Variants in DMD observed in about 807,000 individuals in gnomAD.
DMD encodes mutant dystrophin.
DMD carries 63 observed loss-of-function variants against 330.1 expected under a neutral mutation model. That is an observed-to-expected ratio of 0.19 (90% CI 0.16 to 0.24). The LOEUF is 0.24. DMD is among the 10% of genes least tolerant of loss of function. The probability of loss-of-function intolerance (pLI) is 1.00; values close to 1 mark genes in which losing one functional copy is unlikely to be tolerated. For missense variants in DMD, 3,344 were observed against 2,684.1 expected (o/e 1.25, Z -5.43); for synonymous variants, 1,223 against 959.8 (o/e 1.27, Z -5.07).
chrX:32,279,161 A>G (rs2097402825), intron 43 of DMD, among the ~76,000 whole-genome samples: 1 of 111,735 alleles, frequency 8.9e-6, no homozygotes, highest in African/African-American at 3.3e-5. Flanking sequence ...ACAGGCAATT[A>G]CAAATGCTGG....
chrX:31,212,164 A>G (rs866491936), intron 64 of DMD, among the ~76,000 whole-genome samples: 3,488 of 90,952 alleles, frequency 0.038, 80 homozygotes, highest in African/African-American at 0.079. Context: ...ATATATATAT[A>G]TATGTGTGTG....
rs746255356 is a variant in DMD at position 31,959,878 on chromosome X, C to T, written c.6614+8461G>A. Among the ~76,000 whole-genome samples the T allele has an allele frequency of 1.0e-4, 11 of 106,576 alleles. No individual in the cohort carries two copies. In the East Asian group the frequency reaches 3.3e-3, roughly 32 times the overall value. The allele number at this position is 106,576 out of a possible 115,157, so 92.5% of individuals were successfully genotyped here. A position where few individuals can be genotyped will look rare whatever the true frequency, so the allele number is the denominator to read the frequency against. On this transcript the variant is annotated intron_variant, in intron 45 of 78. Coordinates refer to ENST00000357033, the MANE Select transcript of DMD (RefSeq NM_004006.3). Reference sequence around the variant, plus strand: ...CTCCCGGGTTCGAGCAACTCTCCCACCTCAGACTCCCATGTAGCTGGGACT... The same window carrying T: ...CTCCCGGGTTCGAGCAACTCTCCCATCTCAGACTCCCATGTAGCTGGGACT...
At chrX:33,074,964 A>G (rs1037083678) in intron 1 of DMD, among the ~76,000 whole-genome samples, 1 of 111,122 alleles carries the variant, frequency 9.0e-6, no homozygotes, top group Non-Finnish European at 1.9e-5. Context: ...CCAAAACTCA[A>G]CCGCGTTTGT....
At chrX:32,593,419 G>A in intron 13 of DMD, among the ~76,000 whole-genome samples, 1 of 111,587 alleles carries the variant, frequency 9.0e-6, no homozygotes, top group Non-Finnish European at 1.9e-5. Flanking sequence ...CTTTATTAAT[G>A]TCTATTTTTA....
intron 55 of DMD, among the ~76,000 whole-genome samples, chrX:31,539,151 T>C (rs1377394481): frequency 8.9e-6 from 1 of 112,012 alleles, no homozygotes; most frequent in Non-Finnish European, 1.9e-5. Context: ...ACCTGGAGCA[T>C]TGCCTTGAGA....
chrX:31,446,924 G>A (rs2065315009), intron 59 of DMD, among the ~76,000 whole-genome samples: 1 of 111,783 alleles, frequency 8.9e-6, no homozygotes, highest in African/African-American at 3.2e-5. Flanking sequence ...CAGTGATACA[G>A]GTGAGTCCTT....
In DMD at chrX:33,161,999, G is replaced by T. The variant is rs774374091; in HGVS notation, c.31+49283C>A. Among the ~76,000 whole-genome samples the T allele has an allele frequency of 2.7e-5, 3 of 111,823 alleles. No homozygotes were observed. The South Asian group carries it at 1.1e-3, about 41-fold the overall frequency. On this transcript the variant is annotated intron_variant, in intron 1 of 78. Transcript: ENST00000357033. ...TAATTGTTCTGTAACTCTGGTTATG[G>T]AACATGATCTGGACAGTGAGAGTTG... is the stretch of plus-strand genomic sequence containing the variant.
At chrX:33,240,870 G>A (rs756212746) in intron 1 of DMD, among the ~76,000 whole-genome samples, 1 of 111,775 alleles carries the variant, frequency 8.9e-6, no homozygotes, top group African/African-American at 3.2e-5. Flanking sequence ...CTTGAGAAAT[G>A]CCTGCTCAGA....
chrX:31,329,475 A>G (rs1465141814), intron 61 of DMD, among the ~76,000 whole-genome samples: 1 of 112,068 alleles, frequency 8.9e-6, no homozygotes, highest in Non-Finnish European at 1.9e-5. Flanking sequence ...CACTTTTATG[A>G]AGTGTCTGAA....
chrX:31,537,270 A>G (rs772854483), intron 55 of DMD, among the ~76,000 whole-genome samples: 14 of 111,627 alleles, frequency 1.3e-4, no homozygotes, highest in Non-Finnish European at 1.9e-5. Context: ...ACATCACACG[A>G]ACCTAGTCTG....
intron 42 of DMD, among the ~76,000 whole-genome samples, chrX:32,304,875 C>A (rs754139043): frequency 9.0e-6 from 1 of 111,284 alleles, no homozygotes; most frequent in African/African-American, 3.2e-5. Context: ...ATCTTTTCCA[C>A]GCATTAAACT....
chrX:31,867,700 T>C (rs2093824019), intron 48 of DMD, among the ~76,000 whole-genome samples: 7 of 111,296 alleles, frequency 6.3e-5, no homozygotes, highest in Admixed American at 4.8e-4. Flanking sequence ...TCAACTATTA[T>C]TAGTATAAAT....
intron 1 of DMD, among the ~76,000 whole-genome samples, chrX:33,240,935 G>C (rs1263907134): frequency 8.9e-6 from 1 of 111,984 alleles, no homozygotes. Flanking sequence ...ATTTGTTTGA[G>C]TTACTGATCT....
chrX:32,647,932 G>T (rs1271578709), intron 9 of DMD, among the ~76,000 whole-genome samples: 1 of 111,710 alleles, frequency 9.0e-6, no homozygotes, highest in East Asian at 2.8e-4. Context: ...TTTGAAATCT[G>T]AACCTTAACC....
chrX:32,624,435 T>C (rs960008680), intron 11 of DMD, among the ~76,000 whole-genome samples: 1 of 112,054 alleles, frequency 8.9e-6, no homozygotes, highest in African/African-American at 3.2e-5. Flanking sequence ...TTGTAAGAAC[T>C]TGGAACTTTG....
intron 4 of DMD, among the ~76,000 whole-genome samples, chrX:32,839,214 C>G (rs921615824): frequency 1.8e-5 from 2 of 110,580 alleles, no homozygotes; most frequent in Non-Finnish European, 3.8e-5. Context: ...TAAACTCACT[C>G]TACTCCACTT....
intron 1 of DMD, among the ~76,000 whole-genome samples, chrX:33,121,063 T>C (rs770402422): frequency 9.1e-6 from 1 of 110,080 alleles, no homozygotes; most frequent in African/African-American, 3.3e-5. Context: ...CACTTAAATG[T>C]ATAAGTTTTC....
intron 44 of DMD, among the ~76,000 whole-genome samples, chrX:32,007,375 G>A (rs2095670335): frequency 9.1e-6 from 1 of 109,543 alleles, no homozygotes; most frequent in African/African-American, 3.3e-5. Flanking sequence ...GAAGAGGCAA[G>A]GAAGAATTCT....
intron 7 of DMD, among the ~76,000 whole-genome samples, chrX:32,793,542 A>AG (rs1437039742): frequency 9.4e-6 from 1 of 106,072 alleles, no homozygotes; most frequent in Non-Finnish European, 1.9e-5. Flanking sequence ...AGACTAACCA[A>AG]GAAAAAAAAA....
Sources: gnomAD v4.1 joint callset for allele counts (sites outside exome capture counted in the v4.1 genomes callset) on GRCh38, gnomAD v4.1.1 for gene constraint, MANE v1.5 for transcripts, NCBI Gene and HGNC (gene_info 2026-07-23, HGNC 2026-07-21) for gene names.